ADARB2: variants seen among roughly 807,000 people sequenced by gnomAD.
ADARB2 encodes the protein adenosine deaminase RNA specific B2 (inactive).
Under a neutral mutation model 62.2 loss-of-function variants are expected in ADARB2, and 25 were observed. That is an observed-to-expected ratio of 0.40 (90% CI 0.29 to 0.56). The LOEUF (loss-of-function observed/expected upper bound fraction) is 0.56, where lower values mean the gene tolerates loss of function less well. Ranked by LOEUF, ADARB2 falls within the 20% of genes least tolerant of loss-of-function variation. ADARB2 has a pLI of 0.43. For synonymous variants in ADARB2, 572 were observed against 500.8 expected, an observed-to-expected ratio of 1.14 and a Z score of -1.90; for missense variants, 1,071 against 1,077.4, an observed-to-expected ratio of 0.99 and a Z score of 0.08.
At chr10:1,464,810 C>T (rs562763166) in intron 1 of ADARB2, among the ~76,000 whole-genome samples, 210 of 147,614 alleles carry the variant, frequency 1.4e-3, no homozygotes, top group Admixed American at 2.9e-3. Context: ...CCCCCACACA[C>T]GCACTGGGGG....
intron 6 of ADARB2, among the ~76,000 whole-genome samples, chr10:1,220,162 GTAA>G (rs1336423859): frequency 1.7e-5 from 2 of 119,102 alleles, no homozygotes. Flanking sequence ...GATGGTGATG[GTAA>G]TGATGGTGGT....
At chr10:1,626,334 C>A (rs1007801218) in intron 1 of ADARB2, among the ~76,000 whole-genome samples, 1 of 125,466 alleles carries the variant, frequency 8.0e-6, no homozygotes, top group Admixed American at 8.5e-5. Flanking sequence ...ATGCTCTCTC[C>A]TGCATGGACA....
chr10:1,402,833 T>C (rs1182222355), intron 1 of ADARB2, among the ~76,000 whole-genome samples: 1 of 152,248 alleles, frequency 6.6e-6, no homozygotes, highest in Non-Finnish European at 1.5e-5. Context: ...GTGTCCAGTG[T>C]AAAACAGAAA....
chr10:1,504,484 C>T (rs1244516919), intron 1 of ADARB2, among the ~76,000 whole-genome samples: 1 of 152,208 alleles, frequency 6.6e-6, no homozygotes, highest in African/African-American at 2.4e-5. Flanking sequence ...TGTAGCCAGC[C>T]CGGCCCTGTT....
intron 1 of ADARB2, among the ~76,000 whole-genome samples, chr10:1,718,932 T>C (rs934597908): frequency 4.6e-5 from 7 of 152,184 alleles, no homozygotes; most frequent in Non-Finnish European, 1.0e-4. Flanking sequence ...TTCCTATTTT[T>C]CTTAGCTGTA....
rs2813418 is a variant in ADARB2, at chr10:1,464,089, T to G, written c.101-84929A>C. On this transcript the variant is annotated intron_variant, in intron 1 of 9. Coordinates refer to ENST00000381312, the MANE Select transcript of ADARB2 (RefSeq NM_018702.4). Reference sequence around the variant, plus strand: ...GGCCAGGACCGCCACACACATGCGCTGGGGGCAGTCACAGCGGGCAGTGTG... The same window carrying G: ...GGCCAGGACCGCCACACACATGCGCGGGGGGCAGTCACAGCGGGCAGTGTG... 7.9e-3 allele frequency among the ~76,000 whole-genome samples: 1,106 copies of G among 139,552 alleles called. 16 individuals are homozygous for G. The highest frequency in any genetic ancestry group is 0.028 in the African/African-American group (1,026 of 36,836). The allele number at this position is 139,552 out of a possible 152,430, so 91.6% of individuals were successfully genotyped here.
At chr10:1,332,240 C>T (rs1187144408) in intron 3 of ADARB2, among the ~76,000 whole-genome samples, 1 of 151,968 alleles carries the variant, frequency 6.6e-6, no homozygotes, top group Non-Finnish European at 1.5e-5. Flanking sequence ...CTCATCTCCA[C>T]AAAACAATAA....
intron 1 of ADARB2, among the ~76,000 whole-genome samples, chr10:1,639,026 A>G (rs910840082): frequency 6.6e-6 from 1 of 152,156 alleles, no homozygotes; most frequent in African/African-American, 2.4e-5. Flanking sequence ...TCAGGGCCAT[A>G]CCCTCATCAT....
chr10:1,189,822 C>T (rs1836814740), intron 8 of ADARB2, among the ~76,000 whole-genome samples: 1 of 100,610 alleles, frequency 9.9e-6, no homozygotes, highest in Admixed American at 9.3e-5. Context: ...TACCTCCTTC[C>T]CCAGAACACG....
At chr10:1,268,395 T>C (rs961256084) in intron 4 of ADARB2, among the ~76,000 whole-genome samples, 2 of 152,214 alleles carry the variant, frequency 1.3e-5, no homozygotes, top group African/African-American at 4.8e-5. Context: ...TGTGATTATA[T>C]TTCTCATAAT....
Position 1,513,958 on chromosome 10 carries a change from C to T in ADARB2, c.101-134798G>A, listed in dbSNP as rs190506791. 1.8e-4 allele frequency among the ~76,000 whole-genome samples: 28 copies of T among 151,850 alleles called. 2 individuals carry two copies. The East Asian group carries it at 5.3e-3, about 29-fold the overall frequency. ...AAAAATACAGCCGGGGGCAATGGCT[C>T]ATGCTTGTAATCCCAGCATTGTGGG... is the stretch of plus-strand genomic sequence containing the variant. On this transcript the variant is annotated intron_variant, in intron 1 of 9. Transcript: ENST00000381312.
chr10:1,341,036 C>T (rs1279148735), intron 3 of ADARB2, among the ~76,000 whole-genome samples: 4 of 151,608 alleles, frequency 2.6e-5, no homozygotes, highest in Non-Finnish European at 5.9e-5. Flanking sequence ...TAACCAGCAT[C>T]CACCAGAGAA....
At chr10:1,206,062 C>A (rs1362412636) in intron 7 of ADARB2, among the ~76,000 whole-genome samples, 7 of 152,194 alleles carry the variant, frequency 4.6e-5, no homozygotes, top group Non-Finnish European at 1.0e-4. Context: ...CAGCCGCTTC[C>A]GATTATTTTC....
intron 2 of ADARB2, among the ~76,000 whole-genome samples, chr10:1,377,127 C>T (rs1411271229): frequency 4.7e-5 from 5 of 106,814 alleles, no homozygotes; most frequent in Non-Finnish European, 9.2e-5. Flanking sequence ...GTGTGCGGTG[C>T]GTCCCTGGGG....
chr10:1,660,208 G>A (rs968109214), intron 1 of ADARB2, among the ~76,000 whole-genome samples: 14 of 152,234 alleles, frequency 9.2e-5, no homozygotes, highest in African/African-American at 2.4e-4. Flanking sequence ...CTGTGACCGA[G>A]CCTGTGCTCA....
chr10:1,402,911 A>G (rs1588245451), intron 1 of ADARB2, among the ~76,000 whole-genome samples: 1 of 152,178 alleles, frequency 6.6e-6, no homozygotes, highest in African/African-American at 2.4e-5. Flanking sequence ...GGGACCTTCC[A>G]AGTGGAACTG....
chr10:1,632,557 T>C (rs961946627), intron 1 of ADARB2, among the ~76,000 whole-genome samples: 3 of 152,182 alleles, frequency 2.0e-5, no homozygotes, highest in Admixed American at 6.5e-5. Context: ...GTGGGCTGAG[T>C]TGTGGCCCTC....
chr10:1,580,381 C>A (rs1833080025), intron 1 of ADARB2, among the ~76,000 whole-genome samples: 1 of 152,076 alleles, frequency 6.6e-6, no homozygotes, highest in Admixed American at 6.5e-5. Context: ...TTCTGTCCTG[C>A]ATTAGTTCGC....
intron 1 of ADARB2, among the ~76,000 whole-genome samples, chr10:1,573,228 G>A (rs947355633): frequency 1.3e-5 from 2 of 152,218 alleles, no homozygotes; most frequent in African/African-American, 4.8e-5. Flanking sequence ...GGCTCAGTGA[G>A]CCAGGGGACC....
Sources: allele counts gnomAD v4.1 joint callset (sites outside exome capture counted in the v4.1 genomes callset), GRCh38; gene constraint gnomAD v4.1.1; transcripts MANE v1.5; gene names NCBI Gene and HGNC (gene_info 2026-07-23, HGNC 2026-07-21).